The following SYT7 variants were observed in gnomAD, a reference collection of about 807,000 sequenced individuals.
SYT7 encodes synaptotagmin 7.
SYT7 carries 29 observed loss-of-function variants against 75.1 expected under a neutral mutation model. The observed-to-expected ratio is 0.39, with a 90% CI of 0.29 to 0.53. SYT7 has a LOEUF of 0.53. SYT7 is among the 20% of genes least tolerant of loss of function. The probability of loss-of-function intolerance (pLI) is 0.77; values close to 1 mark genes in which losing one functional copy is unlikely to be tolerated. For missense variants in SYT7, 693 were observed against 953.2 expected (o/e 0.73, Z 3.59); for synonymous variants, 376 against 401.7 (o/e 0.94, Z 0.76).
intron 1 of SYT7, among the ~76,000 whole-genome samples, chr11:61,579,975 T>C (rs867751404): frequency 6.6e-6 from 1 of 152,126 alleles, no homozygotes; most frequent in Non-Finnish European, 1.5e-5. Context: ...AAGGAGGAAA[T>C]GGCAGAGCAA....
At chr11:61,552,503 C>T (rs188008537) in intron 2 of SYT7, among the ~76,000 whole-genome samples, 473 of 152,236 alleles carry the variant, frequency 3.1e-3, no homozygotes, top group South Asian at 0.014. Context: ...CACACGTGCG[C>T]GCACAAATGC....
Position 61,542,177 on chromosome 11 carries a change from G to A in SYT7, c.941+34C>T, listed in dbSNP as rs1250841980. ...GGGGGGCAGGAGGCTGGGTCAGGGA[G>A]GTGGGGGCCGGCCCGCTCAAGGGGA... On this transcript the variant is annotated intron_variant, in intron 6 of 12. Transcript: ENST00000539008. The surrounding 1 kb of genome is among the most constrained non-coding windows in gnomAD (Gnocchi z 7.8). 1.8e-5 allele frequency: 27 copies of A among 1,522,886 alleles called. No homozygotes were observed. Among genetic ancestry groups the A allele is most frequent in the Non-Finnish European group, 2.2e-5 (25 of 1,141,026 alleles). The allele number at this position is 1,522,886 out of a possible 1,614,324, so 94.3% of individuals were successfully genotyped here.
intron 8 of SYT7, among the ~76,000 whole-genome samples, chr11:61,530,602 C>T (rs1402976471): frequency 6.6e-6 from 1 of 152,150 alleles, no homozygotes; most frequent in African/African-American, 2.4e-5. Context: ...TAGACAGTGC[C>T]AGCAAAGATC....
At chr11:61,562,245 T>C (rs71490330) in intron 1 of SYT7, among the ~76,000 whole-genome samples, 1,835 of 152,336 alleles carry the variant, frequency 0.012, 81 homozygotes, top group Admixed American at 0.089. Flanking sequence ...CCCAGCATAC[T>C]GGGCCTACAT....
At position 61,523,876 on chromosome 11, in the gene SYT7, G is replaced by A. The variant is rs2135063148; in HGVS notation, c.1707C>T (p.Asn569=). 2 of 1,614,026 alleles carry A rather than the reference G, an allele frequency of 1.2e-6. No individual in the cohort carries two copies. The highest frequency in any genetic ancestry group is 1.7e-6 in the Non-Finnish European group (2 of 1,179,974). ...CTTTGAGGTTCCGGGCTTTGATGAT[G>A]TTCACGATGATGGAGTTGGCAGAGG... is the stretch of plus-strand genomic sequence containing the variant. ...YNPSANSIIV[N]IIKARNLKAM... The change falls in exon 11 of 13, where the codon AAC becomes AAT. Residue 569 remains asparagine, a synonymous_variant. Coordinates refer to ENST00000539008, the MANE Select transcript of SYT7 (RefSeq NM_001365809.2). The surrounding 1 kb of genome is among the most constrained non-coding windows in gnomAD (Gnocchi z 5.0).
In SYT7 at chr11:61,542,032, G is replaced by T. The variant is rs1246395426; in HGVS notation, c.941+179C>A. Among the ~76,000 whole-genome samples the T allele has an allele frequency of 6.6e-6, 1 of 152,132 alleles. No homozygotes were observed. Among genetic ancestry groups the T allele is most frequent in the East Asian group, 1.9e-4 (1 of 5,186 alleles). On this transcript the variant is annotated intron_variant, in intron 6 of 12. Transcript: ENST00000539008. This position sits in a 1 kb window ranked among gnomAD's most constrained non-coding sequence, Gnocchi z 7.8. ...GGGAGGTGGCTGAGAATTCTTCCGT[G>T]GTGGCCTTCAGGCAGGAGCCACAAG...
chr11:61,538,873 G>C (rs1198432031), intron 6 of SYT7, among the ~76,000 whole-genome samples: 1 of 152,230 alleles, frequency 6.6e-6, no homozygotes, highest in Admixed American at 6.5e-5. Flanking sequence ...ACAACGCTGT[G>C]TCATGGTCAA....
intron 7 of SYT7, 97 bp from the exon 8 acceptor site, chr11:61,533,221 G>T: frequency 6.7e-7 from 1 of 1,481,976 alleles, no homozygotes; most frequent in South Asian, 1.3e-5. Flanking sequence ...GAAGACCCCA[G>T]CAGCTGCCAT....
chr11:61,560,916 G>A (rs1022489482), intron 1 of SYT7, among the ~76,000 whole-genome samples: 1 of 152,090 alleles, frequency 6.6e-6, no homozygotes, highest in Non-Finnish European at 1.5e-5. Flanking sequence ...TCGCAGAGCC[G>A]AATCTGTCTC....
chr11:61,556,913 T>G (rs952609902), intron 1 of SYT7, among the ~76,000 whole-genome samples: 1 of 145,928 alleles, frequency 6.9e-6, no homozygotes, highest in Non-Finnish European at 1.5e-5. Flanking sequence ...GCAGCCCATC[T>G]GTAATTCCTA....
Position 61,551,543 on chromosome 11 carries a change from G to A in SYT7, c.136-80C>T. On this transcript the variant is annotated intron_variant, in intron 2 of 12. Coordinates refer to ENST00000539008, the MANE Select transcript of SYT7 (RefSeq NM_001365809.2). This position sits in a 1 kb window ranked among gnomAD's most constrained non-coding sequence, Gnocchi z 5.3. ...CTCCCCAGAACAGGGACCCGGAGGG[G>A]AAGGAGATAGACTGGAGTCGGGCCG... 5 of 1,432,480 alleles carry A rather than the reference G, an allele frequency of 3.5e-6. No individual in the cohort carries two copies. Among genetic ancestry groups the A allele is most frequent in the Non-Finnish European group, 4.9e-6 (5 of 1,025,998 alleles). 88.7% of individuals were successfully genotyped at this position (1,432,480 alleles called of 1,614,324 possible).
At chr11:61,537,481 G>A (rs140728825) in intron 7 of SYT7, among the ~76,000 whole-genome samples, 2 of 152,312 alleles carry the variant, frequency 1.3e-5, no homozygotes, top group Non-Finnish European at 2.9e-5. Context: ...GGGTCCCGAG[G>A]CCAGCCGCAG....
chr11:61,580,722 G>C lies in SYT7; in HGVS notation c.31+68C>G, dbSNP rs2064237889. 1.8e-6 allele frequency: 2 copies of C among 1,081,356 alleles called. No individual in the cohort carries two copies. Among genetic ancestry groups the C allele is most frequent in the Admixed American group, 4.5e-5 (1 of 22,428 alleles). 67.0% of individuals were successfully genotyped at this position (1,081,356 alleles called of 1,614,324 possible). ...CAGCCCCAGGCTGGGGCTCCGAGAC[G>C]GCGTCCGGCGCTGCCGCTGTCCTGC... is the stretch of plus-strand genomic sequence containing the variant. On this transcript the variant is annotated intron_variant, in intron 1 of 12. Transcript: ENST00000539008. This position sits in a 1 kb window ranked among gnomAD's most constrained non-coding sequence, Gnocchi z 6.1.
chr11:61,542,103 G>C lies in SYT7; in HGVS notation c.941+108C>G. 7.1e-7 allele frequency: 1 copy of C among 1,400,460 alleles called. No homozygotes were observed. Among genetic ancestry groups the C allele is most frequent in the Non-Finnish European group, 9.4e-7 (1 of 1,064,194 alleles). The allele number at this position is 1,400,460 out of a possible 1,614,324, so 86.8% of individuals were successfully genotyped here. A position where few individuals can be genotyped will look rare whatever the true frequency, so the allele number is the denominator to read the frequency against. On this transcript the variant is annotated intron_variant, in intron 6 of 12. Coordinates refer to ENST00000539008, the MANE Select transcript of SYT7 (RefSeq NM_001365809.2). This position sits in a 1 kb window ranked among gnomAD's most constrained non-coding sequence, Gnocchi z 7.8. ...AAGTCTGCTTGGCACCCTGCCAAGG[G>C]GATGGAGGGCCGGGAGGTACACACA...
At chr11:61,534,060 G>C (rs1175739022) in intron 7 of SYT7, among the ~76,000 whole-genome samples, 1 of 152,218 alleles carries the variant, frequency 6.6e-6, no homozygotes. Context: ...GGTCAGGAAG[G>C]GGGCACTAAA....
intron 5 of SYT7, among the ~76,000 whole-genome samples, chr11:61,543,182 G>A (rs2063096998): frequency 6.6e-6 from 1 of 152,206 alleles, no homozygotes; most frequent in Non-Finnish European, 1.5e-5. Context: ...GGCCAGCACA[G>A]CCTTAGAATT....
intron 7 of SYT7, among the ~76,000 whole-genome samples, chr11:61,534,426 TACACACACGCACACGCACGCAC>T (rs1279467889): frequency 8.6e-6 from 1 of 116,274 alleles, no homozygotes; most frequent in Admixed American, 9.2e-5. Flanking sequence ...CACATGCGCA[TACACACACGCACACGCACGCAC>T]ACACGCACGT....
At position 61,580,919 on chromosome 11, in the gene SYT7, G is replaced by A; in HGVS notation, c.-99C>T. On this transcript the variant is annotated 5_prime_UTR_variant, in exon 1 of 13. Transcript: ENST00000539008. The surrounding 1 kb of genome is among the most constrained non-coding windows in gnomAD (Gnocchi z 6.1). ...TGGGCATGGGGCCGGGCGACCCCCGGGGGCGGGTCCGAGGGCGGGGGCCGA... is the reference window on the plus strand; with the variant it reads ...TGGGCATGGGGCCGGGCGACCCCCGAGGGCGGGTCCGAGGGCGGGGGCCGA... 1 of 1,060,122 alleles carries A rather than the reference G, an allele frequency of 9.4e-7. No individual in the cohort carries two copies. The highest frequency in any genetic ancestry group is 1.7e-5 in the African/African-American group (1 of 58,888). 65.7% of individuals were successfully genotyped at this position (1,060,122 alleles called of 1,614,324 possible).
chr11:61,538,384 AG>A (rs2062941805), intron 6 of SYT7, 118 bp from the exon 7 acceptor site: 5 of 846,474 alleles, frequency 5.9e-6, no homozygotes, highest in East Asian at 2.9e-5. Flanking sequence ...AGAGAGAGAG[AG>A]AGAAAGAGAG....
Sources: allele counts gnomAD v4.1 joint callset (sites outside exome capture counted in the v4.1 genomes callset), GRCh38; gene constraint gnomAD v4.1.1; non-coding constraint Gnocchi (gnomAD v3.1); transcripts MANE v1.5; gene names NCBI Gene and HGNC (gene_info 2026-07-23, HGNC 2026-07-21).